The following FBRSL1 variants were observed in gnomAD, a reference collection of about 807,000 sequenced individuals.
The protein encoded by FBRSL1 is fibrosin-1-like protein.
FBRSL1 carries 51 observed loss-of-function variants against 89.6 expected under a neutral mutation model. That is an observed-to-expected ratio of 0.57 (90% CI 0.45 to 0.72). The LOEUF (loss-of-function observed/expected upper bound fraction) is 0.72. Ranked by LOEUF, FBRSL1 falls within the 30% of genes least tolerant of loss-of-function variation. FBRSL1 has a pLI of 0.00. For missense variants in FBRSL1, 1,618 were observed against 1,451.8 expected, an observed-to-expected ratio of 1.11 and a Z score of -1.86; for synonymous variants, 779 against 681.1, an observed-to-expected ratio of 1.14 and a Z score of -2.24.
At chr12:132,562,338 G>A (rs1020374277) in intron 5 of FBRSL1, among the ~76,000 whole-genome samples, 2 of 152,160 alleles carry the variant, frequency 1.3e-5, no homozygotes, top group African/African-American at 2.4e-5. Context: ...CCGCAAGGCT[G>A]GGGGAGGGAG....
intron 1 of FBRSL1, among the ~76,000 whole-genome samples, chr12:132,498,653 C>T (rs1424524544): frequency 1.3e-5 from 2 of 152,172 alleles, no homozygotes; most frequent in South Asian, 2.1e-4. Flanking sequence ...GCCGGGGCCC[C>T]TTGAGGTGCT....
At chr12:132,582,760 T>G (rs1164187977) in intron 18 of FBRSL1, among the ~76,000 whole-genome samples, 6 of 152,038 alleles carry the variant, frequency 3.9e-5, no homozygotes, top group African/African-American at 1.4e-4. Flanking sequence ...CTCATCCCGC[T>G]TCCGTCTCCC....
intron 4 of FBRSL1, among the ~76,000 whole-genome samples, chr12:132,541,317 C>G (rs191778795): frequency 6.6e-6 from 1 of 152,230 alleles, no homozygotes; most frequent in Non-Finnish European, 1.5e-5. Context: ...ATGCCAGTAC[C>G]GTGGATGGCC....
chr12:132,496,398 C>G (rs2032036933), intron 1 of FBRSL1, among the ~76,000 whole-genome samples: 2 of 152,166 alleles, frequency 1.3e-5, no homozygotes, highest in African/African-American at 4.8e-5. Context: ...AGGGTCTGTT[C>G]CCTGCCGAGG....
chr12:132,571,503 G>A lies in FBRSL1; in HGVS notation c.1377+272G>A, dbSNP rs1466826030. On this transcript the variant is annotated intron_variant, in intron 9 of 18. Coordinates refer to ENST00000680143, the MANE Select transcript of FBRSL1 (RefSeq NM_001367871.1). ...CCTTCCCCGCAGGGCTGCCCCCGAC[G>A]CCGCCCGCCGCACCCCCGCCGGTGC... is the stretch of plus-strand genomic sequence containing the variant. The A allele has an allele frequency of 4.4e-5, 66 of 1,510,580 alleles. No homozygotes were observed. In the Admixed American group the frequency reaches 5.3e-4, roughly 12 times the overall value. The allele number at this position is 1,510,580 out of a possible 1,614,324, so 93.6% of individuals were successfully genotyped here. A position where few individuals can be genotyped will look rare whatever the true frequency, so the allele number is the denominator to read the frequency against.
At chr12:132,561,144 G>A (rs538781427) in intron 5 of FBRSL1, among the ~76,000 whole-genome samples, 2 of 152,210 alleles carry the variant, frequency 1.3e-5, no homozygotes, top group Non-Finnish European at 2.9e-5. Context: ...TCACTGTGAG[G>A]TGGAGGCCAC....
At chr12:132,572,401 G>T (rs1156709886) in intron 10 of FBRSL1, 57 bp downstream of exon 10, 3 of 1,537,900 alleles carry the variant, frequency 2.0e-6, no homozygotes, top group Non-Finnish European at 2.6e-6. Context: ...CCTGGCCACG[G>T]GGCGGTGGGT....
chr12:132,518,174 C>T (rs2035013459), intron 2 of FBRSL1, among the ~76,000 whole-genome samples: 2 of 152,194 alleles, frequency 1.3e-5, no homozygotes, highest in Non-Finnish European at 2.9e-5. Context: ...CTTCCTAGGC[C>T]TTAACTCAGC....
rs1239722415 is a variant in FBRSL1, at chr12:132,583,466, C to G, written c.2697C>G (p.Arg899=). 1 of 1,059,470 alleles carries G rather than the reference C, an allele frequency of 9.4e-7. No individual in the cohort carries two copies. Among genetic ancestry groups the G allele is most frequent in the African/African-American group, 1.7e-5 (1 of 57,346 alleles). 65.6% of individuals were successfully genotyped at this position (1,059,470 alleles called of 1,614,324 possible). ...ACGGCTACAGCCCCGAGCGCCTGCG[C>G]GGGGAGCTGGAGCGCGCGCGGGCCC... ...EPHGYSPERL[R]GELERARAPH... The change falls in exon 19 of 19, where the codon CGC becomes CGG. Residue 899 remains arginine (R), a synonymous_variant. Coordinates refer to ENST00000680143, the MANE Select transcript of FBRSL1 (RefSeq NM_001367871.1).
intron 4 of FBRSL1, among the ~76,000 whole-genome samples, chr12:132,531,158 T>C (rs2137018781): frequency 6.6e-6 from 1 of 151,864 alleles, no homozygotes; most frequent in Non-Finnish European, 1.5e-5. Flanking sequence ...CAAGAACCGG[T>C]CCCATGGGAC....
chr12:132,525,201 T>C (rs1174537930), intron 2 of FBRSL1, among the ~76,000 whole-genome samples: 2 of 152,214 alleles, frequency 1.3e-5, no homozygotes, highest in Non-Finnish European at 2.9e-5. Flanking sequence ...CCTCGCTGCT[T>C]GCTCTGGCAT....
At chr12:132,491,254 C>A (rs1031348803) in intron 1 of FBRSL1, among the ~76,000 whole-genome samples, 1 of 152,190 alleles carries the variant, frequency 6.6e-6, no homozygotes, top group African/African-American at 2.4e-5. Context: ...AAAATGGATA[C>A]TCCGCGGGCC....
intron 8 of FBRSL1, among the ~76,000 whole-genome samples, 200 bp downstream of exon 8, chr12:132,570,740 G>T (rs1293086700): frequency 1.3e-5 from 2 of 152,214 alleles, no homozygotes; most frequent in African/African-American, 4.8e-5. Flanking sequence ...GCGGGGACAG[G>T]CAGGACACGT....
intron 5 of FBRSL1, among the ~76,000 whole-genome samples, chr12:132,557,705 T>G (rs2038792939): frequency 6.6e-6 from 1 of 152,194 alleles, no homozygotes; most frequent in Admixed American, 6.5e-5. Context: ...GTAGCCCAAT[T>G]GGAGCTGGCC....
In FBRSL1 at chr12:132,576,783, C is replaced by T. The variant is rs762915576; in HGVS notation, c.1702-16C>T. 61 of 1,548,684 alleles carry T rather than the reference C, an allele frequency of 3.9e-5. 1 individual carries two copies. The highest frequency in any genetic ancestry group is 1.2e-4 in the African/African-American group (9 of 73,128). On this transcript the variant is annotated splice_polypyrimidine_tract_variant and intron_variant, in intron 14 of 18. Coordinates refer to ENST00000680143, the MANE Select transcript of FBRSL1 (RefSeq NM_001367871.1). ...AGTCCCCGGGCAGGCGGCCCTCACCCGTTCTATCCTCCCAGGAGATGCAGC... is the reference window on the plus strand; with the variant it reads ...AGTCCCCGGGCAGGCGGCCCTCACCTGTTCTATCCTCCCAGGAGATGCAGC...
At chr12:132,553,020 C>T (rs1198041926) in intron 5 of FBRSL1, 1 of 152,972 alleles carries the variant, frequency 6.5e-6, no homozygotes, top group Non-Finnish European at 1.5e-5. Flanking sequence ...GGCCAGGCAC[C>T]TTCTGAGGAA....
At chr12:132,503,299 G>A (rs1191413406) in intron 1 of FBRSL1, among the ~76,000 whole-genome samples, 1 of 152,240 alleles carries the variant, frequency 6.6e-6, no homozygotes, top group Non-Finnish European at 1.5e-5. Flanking sequence ...CAAGCCCGCA[G>A]GACCACATCC....
At position 132,507,645 on chromosome 12, in the gene FBRSL1, C is replaced by G. The variant is rs577813621; in HGVS notation, c.292-508C>G. Among the ~76,000 whole-genome samples, 3 of 152,268 alleles carry G rather than the reference C, an allele frequency of 2.0e-5. No individual in the cohort carries two copies. The South Asian group carries it at 6.2e-4, about 32-fold the overall frequency. ...CTCTGTCCCAAATCCACAGACCCGT[C>G]TGGGAGCACTGGCCAGAACCCCTCA... On this transcript the variant is annotated intron_variant, in intron 1 of 18. Coordinates refer to ENST00000680143, the MANE Select transcript of FBRSL1 (RefSeq NM_001367871.1).
At position 132,583,084 on chromosome 12, in the gene FBRSL1, C is replaced by A. The variant is rs1387913758; in HGVS notation, c.2315C>A (p.Ala772Asp). ...CAGAGCGAGCTGGGCCGGTCCGGGG[C>A]CCCCGCGGAGCGCGAGGCCGAACCT... ...RAQSELGRSG[A>D]PAEREAEPRV... is the part of the protein sequence containing the mutation. The change falls in exon 19 of 19, where the codon GCC (alanine) becomes GAC (aspartate). Residue 772 changes from alanine to aspartate, a missense_variant. Transcript: ENST00000680143. 20 of 1,446,162 alleles carry A rather than the reference C, an allele frequency of 1.4e-5. No homozygotes were observed. The highest frequency in any genetic ancestry group is 1.8e-5 in the Non-Finnish European group (20 of 1,103,552). 89.6% of individuals were successfully genotyped at this position (1,446,162 alleles called of 1,614,324 possible).
Sources: allele counts gnomAD v4.1 joint callset (sites outside exome capture counted in the v4.1 genomes callset), GRCh38; gene constraint gnomAD v4.1.1; transcripts MANE v1.5; gene names NCBI Gene and HGNC (gene_info 2026-07-23, HGNC 2026-07-21).